FCRL3: variants seen among roughly 807,000 people sequenced by gnomAD.
FCRL3 encodes Fc receptor-like protein 3.
A neutral mutation model predicts 75.0 loss-of-function variants in FCRL3; 89 were observed. That is an observed-to-expected ratio of 1.19 (90% confidence interval 1.00 to 1.42). The LOEUF (loss-of-function observed/expected upper bound fraction) is 1.42. FCRL3 is among the 40% of genes most tolerant of loss of function. The pLI is 0.00. For missense variants in FCRL3, 946 were observed against 880.0 expected, an observed-to-expected ratio of 1.07 and a Z score of -0.95; for synonymous variants, 376 against 348.5, an observed-to-expected ratio of 1.08 and a Z score of -0.88.
intron 2 of FCRL3, among the ~76,000 whole-genome samples, chr1:157,699,997 T>A (rs2101629817): frequency 6.6e-6 from 1 of 152,282 alleles, no homozygotes; most frequent in South Asian, 2.1e-4. Flanking sequence ...ACAGAAATGG[T>A]TTATCCTCCT....
rs762184042 is a variant in FCRL3 at position 157,699,529 on chromosome 1, A to G, written c.52+163T>C. On this transcript the variant is annotated intron_variant, in intron 3 of 14. Coordinates refer to ENST00000368184, the MANE Select transcript of FCRL3 (RefSeq NM_052939.4). ...AAAAAAAAAAAAAACCTAGAGACTG[A>G]AAAAGTCGGAGGAGGCTCTGTTCAC... is the stretch of plus-strand genomic sequence containing the variant. Among the ~76,000 whole-genome samples, 157 of 151,216 alleles carry G rather than the reference A, an allele frequency of 1.0e-3. 2 individuals are homozygous for G. The highest frequency in any genetic ancestry group is 1.4e-3 in the Admixed American group (22 of 15,190).
intron 10 of FCRL3, among the ~76,000 whole-genome samples, 192 bp downstream of exon 10, chr1:157,689,606 T>C (rs2101606554): frequency 6.6e-6 from 1 of 152,310 alleles, no homozygotes. Context: ...ATTAAACACA[T>C]GAGGTAAAAA....
upstream of FCRL3, chr1:157,700,931 T>G (rs1656278570): frequency 5.1e-6 from 1 of 195,694 alleles, no homozygotes; most frequent in East Asian, 1.3e-4. Flanking sequence ...GTGGTGTGAA[T>G]CACACAGTCA....
rs966028192 is a variant in FCRL3, at chr1:157,685,940, G to A, written c.1811-2696C>T. ...AACTATGCATGTCCACTATCACTAC[G>A]CCTATTCAAGATAGTCCTGAAATTC... On this transcript the variant is annotated intron_variant, in intron 10 of 14. Transcript: ENST00000368184. Among the ~76,000 whole-genome samples the A allele has an allele frequency of 3.3e-5, 5 of 151,864 alleles. No individual in the cohort carries two copies. In the South Asian group the frequency reaches 1.0e-3, roughly 32 times the overall value.
chr1:157,700,622 C>G, intron 1 of FCRL3, 37 bp from the exon 2 acceptor site: 1 of 1,533,880 alleles, frequency 6.5e-7, no homozygotes, highest in Non-Finnish European at 8.8e-7. Context: ...AGCTTAGTGT[C>G]ATATTTTGCT....
chr1:157,700,586 C>T lies in FCRL3; in HGVS notation c.-96-1G>A. 1.9e-6 allele frequency: 3 copies of T among 1,600,848 alleles called. No individual in the cohort carries two copies. The highest frequency in any genetic ancestry group is 2.6e-6 in the Non-Finnish European group (3 of 1,173,870). On this transcript the variant is annotated splice_acceptor_variant, in intron 1 of 14. Coordinates refer to ENST00000368184, the MANE Select transcript of FCRL3 (RefSeq NM_052939.4). LOFTEE classifies it low-confidence loss of function (5UTR_SPLICE). ...CAGGAAGCTGCTACTCAGATGAGAC[C>T]TGCAAGAATCAGAAAAGGGAAGAAG...
chr1:157,687,325 T>G (rs1452270204), intron 10 of FCRL3, among the ~76,000 whole-genome samples: 3 of 148,630 alleles, frequency 2.0e-5, no homozygotes, highest in Non-Finnish European at 4.5e-5. Flanking sequence ...GGAATGCTTA[T>G]ACACTGTTGG....
intron 5 of FCRL3, 89 bp downstream of exon 5, chr1:157,697,570 C>T: frequency 6.7e-7 from 1 of 1,500,088 alleles, no homozygotes; most frequent in Non-Finnish European, 9.0e-7. Flanking sequence ...CCATAGGAGA[C>T]TCTTTATGAA....
At chr1:157,697,625 C>A in intron 5 of FCRL3, 34 bp downstream of exon 5, 1 of 1,590,936 alleles carries the variant, frequency 6.3e-7, no homozygotes, top group Non-Finnish European at 8.5e-7. Context: ...GTTTCCCTAA[C>A]AAACCCAGTA....
intron 11 of FCRL3, 64 bp downstream of exon 11, chr1:157,683,153 A>G: frequency 1.3e-6 from 2 of 1,554,732 alleles, no homozygotes; most frequent in Non-Finnish European, 1.7e-6. Context: ...AAAAAACATA[A>G]ACAAGTCTCG....
chr1:157,689,793 C>T lies in FCRL3; in HGVS notation c.1810+5G>A, dbSNP rs762324871. 1 of 1,614,128 alleles carries T rather than the reference C, an allele frequency of 6.2e-7. No individual in the cohort carries two copies. Among genetic ancestry groups the T allele is most frequent in the Non-Finnish European group, 8.5e-7 (1 of 1,180,020 alleles). Reference sequence around the variant, plus strand: ...CACATCACAAGGTAGGACCTAGACACCCACCTGGTTTCCTTCGGGCCCTGG... The same window carrying T: ...CACATCACAAGGTAGGACCTAGACATCCACCTGGTTTCCTTCGGGCCCTGG... On this transcript the variant is annotated splice_donor_5th_base_variant and intron_variant, in intron 10 of 14. Transcript: ENST00000368184.
intron 13 of FCRL3, 63 bp from the exon 14 acceptor site, chr1:157,679,036 G>T: frequency 6.5e-7 from 1 of 1,543,830 alleles, no homozygotes; most frequent in Non-Finnish European, 9.0e-7. Context: ...AACTTACAAC[G>T]TACGCACACT....
Position 157,680,729 on chromosome 1 carries a change from T to C in FCRL3, c.1999A>G (p.Ser667Gly), listed in dbSNP as rs1654782192. The change falls in exon 13 of 15, where the codon AGC (serine) becomes GGC (glycine). Residue 667 changes from serine to glycine, a missense_variant. Physicochemically the swap from Ser to Gly is moderately conservative, Grantham distance 56. Transcript: ENST00000368184. ...DSNPIYSQIW[S>G]IQHTKENSAN... ...GAGTTTTCTTTTGTATGCTGGATGC[T>C]CCAGATCTGGGAATAAATCGGGTTG... 6.2e-7 allele frequency: 1 copy of C among 1,613,962 alleles called. No individual in the cohort carries two copies. Among genetic ancestry groups the C allele is most frequent in the African/African-American group, 1.3e-5 (1 of 74,926 alleles).
At position 157,680,870 on chromosome 1, in the gene FCRL3, A is replaced by C. The variant is rs1571188498; in HGVS notation, c.1958-100T>G. 15 of 1,411,022 alleles carry C rather than the reference A, an allele frequency of 1.1e-5. No homozygotes were observed. In the East Asian group the frequency reaches 3.4e-4, roughly 32 times the overall value. The allele number at this position is 1,411,022 out of a possible 1,614,324, so 87.4% of individuals were successfully genotyped here. A position where few individuals can be genotyped will look rare whatever the true frequency, so the allele number is the denominator to read the frequency against. ...CATAACCAACTTCTATTCCCAGTGT[A>C]ATGCTAGGAATGTCATTTTTAAATT... On this transcript the variant is annotated intron_variant, in intron 12 of 14. Coordinates refer to ENST00000368184, the MANE Select transcript of FCRL3 (RefSeq NM_052939.4).
At chr1:157,699,188 A>T (rs897471719) in intron 3 of FCRL3, among the ~76,000 whole-genome samples, 5 of 152,194 alleles carry the variant, frequency 3.3e-5, no homozygotes, top group Admixed American at 6.5e-5. Flanking sequence ...ATTTAAATGG[A>T]GGAGGATGGG....
chr1:157,693,742 CTCTT>C (rs745390964), intron 8 of FCRL3, among the ~76,000 whole-genome samples: 5 of 147,596 alleles, frequency 3.4e-5, no homozygotes, highest in African/African-American at 7.6e-5. Context: ...CTCTCTCTCT[CTCTT>C]TCTTTCTTTC....
rs201499857 is a variant in FCRL3 at position 157,697,148 on chromosome 1, C to A, written c.836G>T (p.Arg279Leu). ...IKKRSLRSQI[R>L]VQRVPVSNVN... ...GCCCCTTAGACACTCACTCTGTACA[C>A]GTATCTGAGATCTCAGGCTCCTTTT... Residue 279 changes from arginine (R) to leucine (L), a missense_variant, in exon 6 of 15, where the codon CGT becomes CTT. Arg to Leu is a moderately radical substitution (Grantham distance 102, BLOSUM62 -2). Transcript: ENST00000368184. The A allele has an allele frequency of 2.0e-6, 3 of 1,505,204 alleles. No homozygotes were observed. The highest frequency in any genetic ancestry group is 2.8e-5 in the African/African-American group (2 of 71,304). 93.2% of individuals were successfully genotyped at this position (1,505,204 alleles called of 1,614,324 possible). A position where few individuals can be genotyped will look rare whatever the true frequency, so the allele number is the denominator to read the frequency against.
rs547354446 is a variant in FCRL3, at chr1:157,684,988, C to G, written c.1811-1744G>C. 2.0e-5 allele frequency among the ~76,000 whole-genome samples: 3 copies of G among 152,110 alleles called. No individual in the cohort carries two copies. The South Asian group carries it at 6.2e-4, about 32-fold the overall frequency. ...TTTTGAGAAAAGAAGAGCACAGACC[C>G]TCTGCTTGGTGAACTGTCCTAATTC... On this transcript the variant is annotated intron_variant, in intron 10 of 14. Coordinates refer to ENST00000368184, the MANE Select transcript of FCRL3 (RefSeq NM_052939.4).
chr1:157,679,663 T>C (rs1654694414), intron 13 of FCRL3, among the ~76,000 whole-genome samples: 1 of 151,812 alleles, frequency 6.6e-6, no homozygotes, highest in Non-Finnish European at 1.5e-5. Flanking sequence ...ACCCTGTCTC[T>C]ACTAAAAATA....
Sources: allele counts gnomAD v4.1 joint callset (sites outside exome capture counted in the v4.1 genomes callset), GRCh38; gene constraint gnomAD v4.1.1; transcripts MANE v1.5; gene names NCBI Gene and HGNC (gene_info 2026-07-23, HGNC 2026-07-21).